The following SGCZ variants were observed in gnomAD, a reference collection of about 807,000 sequenced individuals.
SGCZ encodes the protein zeta-sarcoglycan.
SGCZ carries 40 observed loss-of-function variants against 41.3 expected under a neutral mutation model. That is an observed-to-expected ratio of 0.97 (90% confidence interval 0.75 to 1.26). The LOEUF (loss-of-function observed/expected upper bound fraction) is 1.26, where lower values mean the gene tolerates loss of function less well. Ranked by LOEUF, SGCZ falls within the 50% of genes most tolerant of loss-of-function variation. The pLI is 0.00. For synonymous variants in SGCZ, 206 were observed against 137.5 expected, an observed-to-expected ratio of 1.50 and a Z score of -3.49; for missense variants, 552 against 369.8, an observed-to-expected ratio of 1.49 and a Z score of -4.04.
chr8:14,976,565 T>C (rs1405779108), intron 1 of SGCZ, among the ~76,000 whole-genome samples: 1 of 152,190 alleles, frequency 6.6e-6, no homozygotes, highest in Non-Finnish European at 1.5e-5. Flanking sequence ...ACCCTGTCTA[T>C]CTCTAGCTGT....
intron 1 of SGCZ, among the ~76,000 whole-genome samples, chr8:14,586,575 C>G (rs1371571906): frequency 6.6e-6 from 1 of 152,000 alleles, no homozygotes; most frequent in East Asian, 1.9e-4. Flanking sequence ...AATTAAAAAA[C>G]AAATGAAACT....
intron 1 of SGCZ, among the ~76,000 whole-genome samples, chr8:14,627,126 T>C (rs1034924671): frequency 6.6e-5 from 10 of 152,218 alleles, no homozygotes; most frequent in African/African-American, 2.4e-4. Context: ...ATACAAATTG[T>C]TAATACATTT....
At chr8:14,335,239 T>C (rs1292502391) in intron 2 of SGCZ, among the ~76,000 whole-genome samples, 2 of 152,148 alleles carry the variant, frequency 1.3e-5, no homozygotes, top group African/African-American at 4.8e-5. Context: ...CTTGGAGTTT[T>C]AGTGTCTGAA....
intron 1 of SGCZ, among the ~76,000 whole-genome samples, chr8:15,053,404 T>C (rs916796565): frequency 1.3e-5 from 2 of 152,154 alleles, no homozygotes; most frequent in African/African-American, 2.4e-5. Context: ...CGTAGTTGAT[T>C]TCACATGAGT....
intron 1 of SGCZ, among the ~76,000 whole-genome samples, chr8:15,150,669 A>C (rs1440854044): frequency 6.6e-6 from 1 of 152,214 alleles, no homozygotes; most frequent in African/African-American, 2.4e-5. Flanking sequence ...GAGATGAGAA[A>C]AAATTGTATC....
chr8:14,834,176 T>C (rs1802621693), intron 1 of SGCZ, among the ~76,000 whole-genome samples: 1 of 152,214 alleles, frequency 6.6e-6, no homozygotes, highest in Non-Finnish European at 1.5e-5. Context: ...ATTGATTTTT[T>C]CCTGAACAAC....
At chr8:14,359,357 T>C (rs1350667402) in intron 2 of SGCZ, among the ~76,000 whole-genome samples, 1 of 151,848 alleles carries the variant, frequency 6.6e-6, no homozygotes, top group Admixed American at 6.6e-5. Flanking sequence ...CTGTACTTAA[T>C]CCACACTATA....
At chr8:15,111,837 T>C (rs1367329635) in intron 1 of SGCZ, among the ~76,000 whole-genome samples, 1 of 149,298 alleles carries the variant, frequency 6.7e-6, no homozygotes, top group Non-Finnish European at 1.5e-5. Context: ...GAGTCAGAGG[T>C]AGCAGTGAGC....
At chr8:14,364,676 G>C (rs1315636811) in intron 2 of SGCZ, among the ~76,000 whole-genome samples, 5 of 151,780 alleles carry the variant, frequency 3.3e-5, no homozygotes, top group Non-Finnish European at 1.5e-5. Flanking sequence ...TTCCCTTTTT[G>C]TACCATTTGC....
At chr8:14,164,872 T>C (rs1272622684) in intron 4 of SGCZ, 170 bp from the exon 5 acceptor site, 1 of 801,142 alleles carries the variant, frequency 1.2e-6, no homozygotes, top group East Asian at 2.9e-5. Context: ...AGGAGGCTAA[T>C]TTGGGAATGT....
intron 1 of SGCZ, among the ~76,000 whole-genome samples, chr8:14,566,999 G>C (rs1463925368): frequency 4.6e-5 from 7 of 152,210 alleles, no homozygotes; most frequent in Admixed American, 2.6e-4. Flanking sequence ...CAGCTGCGGA[G>C]GGTGCACCAG....
chr8:14,831,811 T>TGTGTACACATACATGTATATAC (rs34901568), intron 1 of SGCZ, among the ~76,000 whole-genome samples: 1 of 134,940 alleles, frequency 7.4e-6, no homozygotes, highest in Non-Finnish European at 1.6e-5. Flanking sequence ...CATGTATATA[T>TGTGTACACATACATGTATATAC]GTGTGCACAT....
intron 4 of SGCZ, among the ~76,000 whole-genome samples, chr8:14,226,522 A>G (rs12676820): frequency 0.63 from 96,143 of 151,774 alleles, 30,782 homozygotes; most frequent in South Asian, 0.77. Context: ...TTTACCTAAC[A>G]TAATGTCAAT....
At chr8:14,323,393 A>T (rs1384377944) in intron 3 of SGCZ, among the ~76,000 whole-genome samples, 2 of 152,058 alleles carry the variant, frequency 1.3e-5, no homozygotes, top group Non-Finnish European at 2.9e-5. Flanking sequence ...TCTCTTAATA[A>T]ACTTATTTCC....
intron 1 of SGCZ, among the ~76,000 whole-genome samples, chr8:14,895,001 A>C (rs1040762598): frequency 6.6e-6 from 1 of 152,146 alleles, no homozygotes; most frequent in Non-Finnish European, 1.5e-5. Context: ...ATAATGCTAA[A>C]GTTTGGGGGT....
chr8:14,765,072 C>T (rs574854100), intron 1 of SGCZ, among the ~76,000 whole-genome samples: 1 of 152,192 alleles, frequency 6.6e-6, no homozygotes, highest in African/African-American at 2.4e-5. Flanking sequence ...TGCCAAGTAC[C>T]TAAGAGTTCA....
intron 1 of SGCZ, among the ~76,000 whole-genome samples, chr8:15,160,426 G>A (rs1799477285): frequency 6.6e-6 from 1 of 152,160 alleles, no homozygotes; most frequent in Non-Finnish European, 1.5e-5. Flanking sequence ...TTGGGCTACT[G>A]TGAATAACGC....
chr8:14,896,892 C>T lies in SGCZ; in HGVS notation c.39+340693G>A, dbSNP rs376078234. Among the ~76,000 whole-genome samples the T allele has an allele frequency of 4.2e-3, 638 of 152,106 alleles. 6 individuals carry two copies. Among genetic ancestry groups the T allele is most frequent in the African/African-American group, 0.015 (614 of 41,496 alleles). ...GCCTCCTGGGTTGAAGCGATTCTCC[C>T]GCCTCAGCCCTCCTGAGTAGCTGGG... is the stretch of plus-strand genomic sequence containing the variant. On this transcript the variant is annotated intron_variant, in intron 1 of 7. Coordinates refer to ENST00000382080, the MANE Select transcript of SGCZ (RefSeq NM_139167.4).
Position 14,755,014 on chromosome 8 carries a change from G to C in SGCZ, c.40-200088C>G, listed in dbSNP as rs375658125. Among the ~76,000 whole-genome samples, 9 of 152,300 alleles carry C rather than the reference G, an allele frequency of 5.9e-5. No individual in the cohort carries two copies. The South Asian group carries it at 1.0e-3, about 18-fold the overall frequency. ...CAAAGTTCTAGGATTACAGGCATCA[G>C]ACACTGCACCTGGCCTGGATTTCTC... On this transcript the variant is annotated intron_variant, in intron 1 of 7. Transcript: ENST00000382080.
Sources: allele counts gnomAD v4.1 joint callset (sites outside exome capture counted in the v4.1 genomes callset), GRCh38; gene constraint gnomAD v4.1.1; transcripts MANE v1.5; gene names NCBI Gene and HGNC (gene_info 2026-07-23, HGNC 2026-07-21).